ARID4A: variants seen among roughly 807,000 people sequenced by gnomAD.
ARID4A encodes the protein AT-rich interaction domain 4A, also known as AT-rich interactive domain-containing protein 4A.
Under a neutral mutation model 148.6 loss-of-function variants are expected in ARID4A, and 39 were observed. That is an observed-to-expected ratio of 0.26 (90% confidence interval 0.20 to 0.34). The LOEUF (loss-of-function observed/expected upper bound fraction) is 0.34. Ranked by LOEUF, ARID4A falls within the 10% of genes least tolerant of loss-of-function variation. ARID4A has a pLI of 1.00. For synonymous variants in ARID4A, 475 were observed against 481.2 expected, an observed-to-expected ratio of 0.99 and a Z score of 0.17; for missense variants, 1,265 against 1,449.1, an observed-to-expected ratio of 0.87 and a Z score of 2.06.
chr14:58,331,291 G>T (rs1479156314), intron 11 of ARID4A: 2 of 152,230 alleles, frequency 1.3e-5, no homozygotes, highest in Non-Finnish European at 2.9e-5. Flanking sequence ...TTTGCCAATG[G>T]AGGTTTGCCA....
At chr14:58,350,773 A>T (rs1351673703) in intron 15 of ARID4A, among the ~76,000 whole-genome samples, 1 of 152,226 alleles carries the variant, frequency 6.6e-6, no homozygotes, top group Admixed American at 6.5e-5. Flanking sequence ...ATGATGTAGT[A>T]AACAAAGGAG....
chr14:58,360,005 G>A (rs2035064872), intron 18 of ARID4A, among the ~76,000 whole-genome samples: 1 of 151,520 alleles, frequency 6.6e-6, no homozygotes, highest in Admixed American at 6.6e-5. Flanking sequence ...GGCGGAGCTT[G>A]CAGTGAGCCA....
chr14:58,357,602 T>C (rs2034938838), intron 17 of ARID4A, among the ~76,000 whole-genome samples: 1 of 145,964 alleles, frequency 6.9e-6, no homozygotes, highest in African/African-American at 2.5e-5. Context: ...GTTTTTTTTA[T>C]TTTTTTGCAT....
At chr14:58,365,703 C>T (rs1256120984) in intron 21 of ARID4A, 81 bp downstream of exon 21, 22 of 1,205,528 alleles carry the variant, frequency 1.8e-5, no homozygotes, top group East Asian at 2.5e-5. Flanking sequence ...ATAAATGGAG[C>T]AATACTATAT....
rs2035641215 is a variant in ARID4A at position 58,372,135 on chromosome 14, CCT to C, written c.*153_*154del. The C allele has an allele frequency of 1.4e-5, 8 of 556,438 alleles. No homozygotes were observed. The South Asian group carries it at 2.2e-4, about 15-fold the overall frequency. The allele number at this position is 556,438 out of a possible 1,614,324, so 34.5% of individuals were successfully genotyped here. On this transcript the variant is annotated 3_prime_UTR_variant, in exon 24 of 24. Transcript: ENST00000355431. ...TTCCAGGCTGGATTGTATCTATTCC[CCT>C]CTCTCTTCTTTTTTCTTGTTGCAAA... is the stretch of plus-strand genomic sequence containing the variant.
intron 3 of ARID4A, among the ~76,000 whole-genome samples, chr14:58,302,675 C>T (rs1422409143): frequency 1.3e-5 from 2 of 151,938 alleles, no homozygotes; most frequent in African/African-American, 2.4e-5. Context: ...ATATTTTTGG[C>T]TGTGTGAAGT....
intron 2 of ARID4A, among the ~76,000 whole-genome samples, chr14:58,300,807 A>G (rs930724562): frequency 8.8e-5 from 11 of 124,308 alleles, no homozygotes; most frequent in African/African-American, 2.0e-4. Context: ...TAACTTCCGG[A>G]AAAAAAAAAA....
rs763832540 is a variant in ARID4A, at chr14:58,353,798, C to T, written c.1796C>T (p.Thr599Ile). The change falls in exon 17 of 24, where the codon ACT (threonine) becomes ATT (isoleucine). Residue 599 changes from threonine (T) to isoleucine (I), a missense_variant. Around this residue, in one of 9 missense-constraint regions of ARID4A, gnomAD observed 30 missense variants for 65.7 expected, o/e 0.46. Coordinates refer to ENST00000355431, the MANE Select transcript of ARID4A (RefSeq NM_002892.4). ...QKIYEASIKS[T>I]EIDDGEVLYL... ...ATTTATGAAGCCAGTATTAAAAGCA[C>T]TGAAATTGATGACGGAGAAGTTTTA... is the stretch of plus-strand genomic sequence containing the variant. 1 of 1,613,922 alleles carries T rather than the reference C, an allele frequency of 6.2e-7. No individual in the cohort carries two copies. The highest frequency in any genetic ancestry group is 1.1e-5 in the South Asian group (1 of 91,078).
At position 58,367,674 on chromosome 14, in the gene ARID4A, G is replaced by A. The variant is rs12100941; in HGVS notation, c.3670+645G>A. ...GTAGTGTCTGAGCTAGCCCTTCGGG[G>A]GTTGTAGGATTGACTTCCAGTTAAA... On this transcript the variant is annotated intron_variant, in intron 23 of 23. Transcript: ENST00000355431. Among the ~76,000 whole-genome samples, 1,015 of 152,258 alleles carry A rather than the reference G, an allele frequency of 6.7e-3. 11 individuals are homozygous for A. Among genetic ancestry groups the A allele is most frequent in the African/African-American group, 0.023 (960 of 41,528 alleles).
chr14:58,322,336 A>G (rs568035827), intron 7 of ARID4A, among the ~76,000 whole-genome samples: 3 of 152,272 alleles, frequency 2.0e-5, no homozygotes, highest in Admixed American at 6.5e-5. Flanking sequence ...TAATAATTCA[A>G]TACCCAGTAT....
intron 23 of ARID4A, 135 bp downstream of exon 23, chr14:58,367,164 T>G (rs2035393507): frequency 1.5e-6 from 1 of 684,400 alleles, no homozygotes; most frequent in East Asian, 3.6e-5. Context: ...TGTTTTCTAT[T>G]GTTGAAATGA....
rs1324703211 is a variant in ARID4A, at chr14:58,372,779, A to C, written c.*790A>C. On this transcript the variant is annotated 3_prime_UTR_variant, in exon 24 of 24. Transcript: ENST00000355431. ...CAAAAAGACAAAAATGAAATATATA[A>C]CAACAATGAAGTTATTTAACAAGAT... is the stretch of plus-strand genomic sequence containing the variant. 1.1e-5 allele frequency: 2 copies of C among 181,434 alleles called. No homozygotes were observed. Among genetic ancestry groups the C allele is most frequent in the Admixed American group, 6.3e-5 (1 of 15,918 alleles). The allele number at this position is 181,434 out of a possible 1,614,324, so 11.2% of individuals were successfully genotyped here. A position where few individuals can be genotyped will look rare whatever the true frequency, so the allele number is the denominator to read the frequency against.
intron 8 of ARID4A, among the ~76,000 whole-genome samples, chr14:58,327,210 C>T (rs1176914195): frequency 3.3e-5 from 5 of 152,196 alleles, no homozygotes; most frequent in African/African-American, 1.2e-4. Flanking sequence ...CACCATGTGA[C>T]TCACTGCTAC....
intron 15 of ARID4A, 67 bp from the exon 16 acceptor site, chr14:58,351,006 A>G: frequency 6.8e-7 from 1 of 1,478,574 alleles, no homozygotes; most frequent in Middle Eastern, 2.6e-4. Flanking sequence ...AAAGGAAAAG[A>G]TATTTTTTCC....
intron 4 of ARID4A, 124 bp from the exon 5 acceptor site, chr14:58,305,894 TCAGA>T (rs776508793): frequency 7.4e-6 from 5 of 675,292 alleles, no homozygotes; most frequent in Non-Finnish European, 1.0e-5. Flanking sequence ...GATAAAGATC[TCAGA>T]CAGTGTAAGA....
intron 5 of ARID4A, among the ~76,000 whole-genome samples, chr14:58,317,312 T>A (rs1001068400): frequency 6.8e-6 from 1 of 146,256 alleles, no homozygotes; most frequent in African/African-American, 2.5e-5. Context: ...TGGGACGGAG[T>A]CTTGCTCTGT....
chr14:58,300,089 ATTG>A (rs1397520068), intron 2 of ARID4A, among the ~76,000 whole-genome samples: 1 of 152,184 alleles, frequency 6.6e-6, no homozygotes, highest in African/African-American at 2.4e-5. Context: ...CAGCCTTTCA[ATTG>A]TTGTCCATTC....
In ARID4A at chr14:58,365,213, G is replaced by A. The variant is rs372839956; in HGVS notation, c.3124G>A (p.Glu1042Lys). 7 of 1,614,112 alleles carry A rather than the reference G, an allele frequency of 4.3e-6. No homozygotes were observed. The highest frequency in any genetic ancestry group is 3.3e-4 in the Middle Eastern group (2 of 6,062). The change falls in exon 20 of 24, where the codon GAG becomes AAG. Residue 1042 changes from glutamate to lysine, a missense_variant. This residue lies in a region of ARID4A where 666 missense variants were observed against 730.9 expected (regional missense o/e 0.91). Transcript: ENST00000355431. ...IAEESQEGLC[E>K]RESANGFETN... Reference sequence around the variant, plus strand: ...TGAAGAATCTCAAGAAGGTCTCTGTGAGAGGGAATCGGCAAATGGATTTGA... The same window carrying A: ...TGAAGAATCTCAAGAAGGTCTCTGTAAGAGGGAATCGGCAAATGGATTTGA...
At chr14:58,330,963 CAA>C (rs1055379690) in intron 11 of ARID4A, among the ~76,000 whole-genome samples, 1 of 152,002 alleles carries the variant, frequency 6.6e-6, no homozygotes, top group African/African-American at 2.4e-5. Context: ...AGGGGCAAGA[CAA>C]AGACAATGAA....
Sources: allele counts gnomAD v4.1 joint callset (sites outside exome capture counted in the v4.1 genomes callset), GRCh38; gene constraint gnomAD v4.1.1; regional missense constraint gnomAD v4.1.1; transcripts MANE v1.5; gene names NCBI Gene and HGNC (gene_info 2026-07-23, HGNC 2026-07-21).